Variants in PRKCA observed in about 807,000 individuals in gnomAD.
The protein encoded by PRKCA is protein kinase C alpha, also known as protein kinase C alpha type.
In PRKCA, 27 loss-of-function variants were observed where a neutral mutation model predicts 87.0. That is an observed-to-expected ratio of 0.31 (90% confidence interval 0.23 to 0.43). The LOEUF is 0.43. Ranked by LOEUF, PRKCA falls within the 20% of genes least tolerant of loss-of-function variation. PRKCA has a pLI of 1.00. For synonymous variants in PRKCA, 329 were observed against 311.1 expected, an observed-to-expected ratio of 1.06 and a Z score of -0.61; for missense variants, 518 against 852.3, an observed-to-expected ratio of 0.61 and a Z score of 4.88.
At chr17:66,721,040 A>G (rs989752406) in intron 8 of PRKCA, among the ~76,000 whole-genome samples, 2 of 152,290 alleles carry the variant, frequency 1.3e-5, no homozygotes, top group African/African-American at 4.8e-5. Context: ...AATTTCATGG[A>G]AGAAAGAATT....
intron 3 of PRKCA, among the ~76,000 whole-genome samples, chr17:66,526,391 C>T (rs1236944534): frequency 1.3e-5 from 2 of 152,190 alleles, no homozygotes; most frequent in African/African-American, 4.8e-5. Flanking sequence ...CACTTGCAGA[C>T]ATAATCTGCA....
chr17:66,348,302 C>T (rs1246197606), intron 2 of PRKCA, among the ~76,000 whole-genome samples: 1 of 151,994 alleles, frequency 6.6e-6, no homozygotes, highest in African/African-American at 2.4e-5. Context: ...GCATAAAAGA[C>T]AACAAAAAGC....
intron 2 of PRKCA, among the ~76,000 whole-genome samples, chr17:66,463,258 G>A (rs1392464654): frequency 1.3e-5 from 2 of 152,146 alleles, no homozygotes; most frequent in Non-Finnish European, 2.9e-5. Flanking sequence ...AAAAGATCTA[G>A]TGACTAGCTG....
At position 66,730,105 on chromosome 17, in the gene PRKCA, G is replaced by A. The variant is rs577537663; in HGVS notation, c.919-2583G>A. On this transcript the variant is annotated intron_variant, in intron 8 of 16. Transcript: ENST00000413366. Reference sequence around the variant, plus strand: ...CATGTCTGGCCACAAGCAAGTTATTGTTATCGGAGAAAAGCATCACCCAAC... The same window carrying A: ...CATGTCTGGCCACAAGCAAGTTATTATTATCGGAGAAAAGCATCACCCAAC... Among the ~76,000 whole-genome samples, 21 of 152,218 alleles carry A rather than the reference G, an allele frequency of 1.4e-4. No individual in the cohort carries two copies. The South Asian group carries it at 3.3e-3, about 24-fold the overall frequency.
chr17:66,531,625 A>G (rs576746435), intron 3 of PRKCA, among the ~76,000 whole-genome samples: 1 of 151,738 alleles, frequency 6.6e-6, no homozygotes, highest in East Asian at 1.9e-4. Context: ...AGGTGCAGCA[A>G]CCTGACTGAT....
At chr17:66,324,583 C>T (rs1332772887) in intron 2 of PRKCA, among the ~76,000 whole-genome samples, 2 of 151,840 alleles carry the variant, frequency 1.3e-5, no homozygotes, top group East Asian at 3.9e-4. Flanking sequence ...ACTGCACTCT[C>T]GCCTGGGCAA....
At chr17:66,516,724 C>T (rs572397973) in intron 3 of PRKCA, among the ~76,000 whole-genome samples, 1 of 152,244 alleles carries the variant, frequency 6.6e-6, no homozygotes, top group South Asian at 2.1e-4. Context: ...TGTGCTGACC[C>T]AGACCACTGA....
chr17:66,549,266 G>T lies in PRKCA; in HGVS notation c.288+52983G>T, dbSNP rs117964027. On this transcript the variant is annotated intron_variant, in intron 3 of 16. Transcript: ENST00000413366. Reference sequence around the variant, plus strand: ...TAAGGTGCTCAAGTTTGTAAATTGGGTGTGGGTGGAGCTCGGATGCATGCT... The same window carrying T: ...TAAGGTGCTCAAGTTTGTAAATTGGTTGTGGGTGGAGCTCGGATGCATGCT... 1.9e-3 allele frequency among the ~76,000 whole-genome samples: 295 copies of T among 152,154 alleles called. 1 individual carries two copies. The highest frequency in any genetic ancestry group is 8.5e-3 in the East Asian group (44 of 5,182).
At chr17:66,706,615 G>A (rs1004171699) in intron 8 of PRKCA, among the ~76,000 whole-genome samples, 2 of 151,066 alleles carry the variant, frequency 1.3e-5, no homozygotes, top group Admixed American at 6.6e-5. Context: ...TCCAGCCTGG[G>A]CGACAGAGTA....
chr17:66,480,062 A>G (rs576973505), intron 2 of PRKCA, among the ~76,000 whole-genome samples: 1 of 151,816 alleles, frequency 6.6e-6, no homozygotes, highest in Admixed American at 6.6e-5. Context: ...TTTATTTTTA[A>G]ATTCATTTTG....
intron 2 of PRKCA, among the ~76,000 whole-genome samples, chr17:66,328,480 A>T (rs1382741748): frequency 6.6e-6 from 1 of 152,020 alleles, no homozygotes; most frequent in Non-Finnish European, 1.5e-5. Context: ...AGGCCCTAAA[A>T]GGGGAACATT....
At chr17:66,526,731 A>C (rs555449377) in intron 3 of PRKCA, among the ~76,000 whole-genome samples, 1 of 152,176 alleles carries the variant, frequency 6.6e-6, no homozygotes, top group East Asian at 1.9e-4. Flanking sequence ...AAGTCATATG[A>C]AAAAAAAGGT....
At chr17:66,635,394 A>G (rs1411716434) in intron 3 of PRKCA, among the ~76,000 whole-genome samples, 2 of 152,146 alleles carry the variant, frequency 1.3e-5, no homozygotes, top group Admixed American at 6.5e-5. Flanking sequence ...CGCAAGCCTT[A>G]CCCACCTTTC....
At chr17:66,787,801 G>A (rs1181627717) in intron 15 of PRKCA, among the ~76,000 whole-genome samples, 1 of 152,124 alleles carries the variant, frequency 6.6e-6, no homozygotes, top group East Asian at 1.9e-4. Context: ...ACCTTACAGT[G>A]TTGCTCCTGG....
chr17:66,410,987 G>A (rs1447118789), intron 2 of PRKCA, among the ~76,000 whole-genome samples: 1 of 152,170 alleles, frequency 6.6e-6, no homozygotes, highest in Admixed American at 6.5e-5. Flanking sequence ...CCCACCCACA[G>A]AGCCTGAGTG....
In PRKCA at chr17:66,687,136, T is replaced by C. The variant is rs1244361951; in HGVS notation, c.555T>C (p.Pro185=). 1 of 1,613,166 alleles carries C rather than the reference T, an allele frequency of 6.2e-7. No individual in the cohort carries two copies. Among genetic ancestry groups the C allele is most frequent in the Non-Finnish European group, 8.5e-7 (1 of 1,179,168 alleles). The change falls in exon 6 of 17, where the codon CCT becomes CCC. Residue 185 remains proline (P), a synonymous_variant. Coordinates refer to ENST00000413366, the MANE Select transcript of PRKCA (RefSeq NM_002737.3). ...VTVRDAKNLI[P]MDPNGLSDPY... ...TACGAGATGCAAAAAATCTAATCCC[T>C]ATGGATCCAAACGGGCTTTCAGATC... is the stretch of plus-strand genomic sequence containing the variant.
At chr17:66,671,725 C>CTT (rs1014782273) in intron 5 of PRKCA, among the ~76,000 whole-genome samples, 1 of 152,220 alleles carries the variant, frequency 6.6e-6, no homozygotes, top group African/African-American at 2.4e-5. Flanking sequence ...TCAGGAAACT[C>CTT]TGTGTACCTG....
chr17:66,396,673 G>A (rs1283948051), intron 2 of PRKCA, among the ~76,000 whole-genome samples: 1 of 133,848 alleles, frequency 7.5e-6, no homozygotes, highest in Admixed American at 8.8e-5. Context: ...CTGTTGCCCA[G>A]ACTGGAGTAC....
chr17:66,641,291 G>T (rs1415665315), intron 3 of PRKCA, 64 bp from the exon 4 acceptor site: 9 of 1,190,584 alleles, frequency 7.6e-6, no homozygotes, highest in South Asian at 1.3e-5. Context: ...GCCTGAGCTT[G>T]GCTTAATCTA....
Sources: allele counts gnomAD v4.1 joint callset (sites outside exome capture counted in the v4.1 genomes callset), GRCh38; gene constraint gnomAD v4.1.1; transcripts MANE v1.5; gene names NCBI Gene and HGNC (gene_info 2026-07-23, HGNC 2026-07-21).